Variants in PPP4R2 observed in about 807,000 individuals in gnomAD.
The protein encoded by PPP4R2 is protein phosphatase 4 regulatory subunit 2, also known as serine/threonine-protein phosphatase 4 regulatory subunit 2.
In PPP4R2, 13 loss-of-function variants were observed where a neutral mutation model predicts 47.2. That is an observed-to-expected ratio of 0.28 (90% CI 0.18 to 0.44). The LOEUF is 0.44. Among genes scored for constraint, PPP4R2 ranks in the 20% least tolerant of loss-of-function variants. The probability of loss-of-function intolerance (pLI) is 1.00; values close to 1 mark genes in which losing one functional copy is unlikely to be tolerated. For missense variants in PPP4R2, 421 were observed against 491.2 expected, an observed-to-expected ratio of 0.86 and a Z score of 1.35; for synonymous variants, 151 against 163.3, an observed-to-expected ratio of 0.92 and a Z score of 0.57.
chr3:73,024,057 T>C (rs961449506), intron 2 of PPP4R2, among the ~76,000 whole-genome samples: 1 of 152,072 alleles, frequency 6.6e-6, no homozygotes, highest in Admixed American at 6.5e-5. Flanking sequence ...ATATTAAAAA[T>C]AAAATAGATT....
At chr3:73,003,761 C>T (rs528382624) in intron 2 of PPP4R2, among the ~76,000 whole-genome samples, 2 of 151,718 alleles carry the variant, frequency 1.3e-5, no homozygotes, top group Non-Finnish European at 2.9e-5. Context: ...TGCAGTGGTG[C>T]GATCTTGACT....
chr3:73,060,012 ACTTGT>A (rs1428435693), intron 4 of PPP4R2, among the ~76,000 whole-genome samples: 3 of 151,896 alleles, frequency 2.0e-5, no homozygotes, highest in Admixed American at 1.3e-4. Flanking sequence ...TAAGAAATTG[ACTTGT>A]CTTGAGTGAA....
rs890422614 is a variant in PPP4R2, at chr3:73,068,088, G to A, written c.*2366G>A. ...TGGTTTTAGATATTGATGGCCATTT[G>A]GAAGTAAATTTCCGCAGGTATTCAT... On this transcript the variant is annotated 3_prime_UTR_variant, in exon 9 of 9. Transcript: ENST00000356692. 8 of 152,222 alleles carry A rather than the reference G, an allele frequency of 5.3e-5. No homozygotes were observed. The highest frequency in any genetic ancestry group is 1.9e-4 in the African/African-American group (8 of 41,538). 9.4% of individuals were successfully genotyped at this position (152,222 alleles called of 1,614,324 possible).
rs527965278 is a variant in PPP4R2, at chr3:73,010,222, TTTTTG to T, written c.116+12074_116+12078del. Among the ~76,000 whole-genome samples the T allele has an allele frequency of 3.6e-3, 541 of 150,892 alleles. 1 individual carries two copies. Among genetic ancestry groups the T allele is most frequent in the Non-Finnish European group, 5.3e-3 (357 of 68,000 alleles). ...ACTTAACGCAAAAAAATAGAAAACT[TTTTTG>T]TTTTGTTTTTTTTGAGACAAGGTCT... On this transcript the variant is annotated intron_variant, in intron 2 of 8. Coordinates refer to ENST00000356692, the MANE Select transcript of PPP4R2 (RefSeq NM_174907.4).
chr3:73,018,967 C>A lies in PPP4R2; in HGVS notation c.116+20809C>A, dbSNP rs543083766. ...TTCTGTAAGTTTTGAGGGGGCTGAA[C>A]TTATGTTACTCAGAATGTGTCACAC... On this transcript the variant is annotated intron_variant, in intron 2 of 8. Coordinates refer to ENST00000356692, the MANE Select transcript of PPP4R2 (RefSeq NM_174907.4). 1.4e-4 allele frequency among the ~76,000 whole-genome samples: 22 copies of A among 152,180 alleles called. 1 individual carries two copies. Among genetic ancestry groups the A allele is most frequent in the African/African-American group, 5.1e-4 (21 of 41,536 alleles).
intron 2 of PPP4R2, among the ~76,000 whole-genome samples, chr3:73,028,734 G>C (rs186180795): frequency 1.6e-4 from 24 of 152,222 alleles, no homozygotes; most frequent in African/African-American, 5.8e-4. Flanking sequence ...GTGAGCCACT[G>C]CGCCCGGCCA....
intron 2 of PPP4R2, among the ~76,000 whole-genome samples, chr3:73,001,917 G>A (rs891629729): frequency 6.6e-6 from 1 of 152,062 alleles, no homozygotes; most frequent in Non-Finnish European, 1.5e-5. Flanking sequence ...GTGAACCATC[G>A]CCCCCGGCCC....
At chr3:73,024,731 A>C (rs1702028198) in intron 2 of PPP4R2, among the ~76,000 whole-genome samples, 1 of 152,010 alleles carries the variant, frequency 6.6e-6, no homozygotes, top group Non-Finnish European at 1.5e-5. Context: ...AAGCTAAAGC[A>C]TTTAAGATTT....
At chr3:73,064,793 G>A in intron 7 of PPP4R2, 59 bp from the exon 8 acceptor site, 1 of 1,367,594 alleles carries the variant, frequency 7.3e-7, no homozygotes, top group South Asian at 1.4e-5. Flanking sequence ...CTTAAAAATG[G>A]GGATGTAGAA....
chr3:73,062,037 G>C, intron 5 of PPP4R2: 1 of 1,396,542 alleles, frequency 7.2e-7, no homozygotes, highest in Non-Finnish European at 9.6e-7. Flanking sequence ...GAGGTATTTT[G>C]GAAAAATGGT....
intron 2 of PPP4R2, among the ~76,000 whole-genome samples, chr3:73,041,073 A>G (rs9859305): frequency 0.53 from 80,264 of 152,020 alleles, 21,559 homozygotes; most frequent in African/African-American, 0.62. Flanking sequence ...GTAATCAGAA[A>G]AAACACATTA....
At chr3:73,045,588 A>T (rs1345126542) in intron 2 of PPP4R2, among the ~76,000 whole-genome samples, 1 of 147,040 alleles carries the variant, frequency 6.8e-6, no homozygotes, top group Non-Finnish European at 1.5e-5. Context: ...GCAGTGATGC[A>T]ATCCTCAGCT....
chr3:73,027,449 G>A (rs1702088788), intron 2 of PPP4R2, among the ~76,000 whole-genome samples: 2 of 152,154 alleles, frequency 1.3e-5, no homozygotes, highest in Non-Finnish European at 2.9e-5. Context: ...TGCCAAAGCA[G>A]TTCTACACAT....
intron 2 of PPP4R2, among the ~76,000 whole-genome samples, chr3:73,020,719 G>C (rs1005346655): frequency 6.6e-6 from 1 of 151,538 alleles, no homozygotes; most frequent in African/African-American, 2.4e-5. Context: ...GTAGAGACAG[G>C]GTGTTGCTGT....
intron 3 of PPP4R2, among the ~76,000 whole-genome samples, chr3:73,049,115 G>A (rs1702556086): frequency 6.6e-6 from 1 of 152,024 alleles, no homozygotes; most frequent in Non-Finnish European, 1.5e-5. Context: ...CATTTTAAAG[G>A]CACTTATCCA....
chr3:73,022,798 T>G (rs1701986726), intron 2 of PPP4R2, among the ~76,000 whole-genome samples: 1 of 151,282 alleles, frequency 6.6e-6, no homozygotes, highest in South Asian at 2.1e-4. Context: ...AACAATGCAG[T>G]CTTACAGTTG....
In PPP4R2 at chr3:73,064,100, G is replaced by C. The variant is rs1325457907; in HGVS notation, c.592G>C (p.Asp198His). 5 of 1,613,132 alleles carry C rather than the reference G, an allele frequency of 3.1e-6. No homozygotes were observed. The highest frequency in any genetic ancestry group is 4.2e-6 in the Non-Finnish European group (5 of 1,179,668). Reference sequence around the variant, plus strand: ...AACAAATGGGTTGCCTGAGAGCACAGACAGCAAAGAGGCAAATTTGCAGCA... The same window carrying C: ...AACAAATGGGTTGCCTGAGAGCACACACAGCAAAGAGGCAAATTTGCAGCA... ...MTTNGLPESTDSKEANLQQNE... is the reference protein window; with the variant it reads ...MTTNGLPESTHSKEANLQQNE... Residue 198 changes from aspartate to histidine, a missense_variant, in exon 7 of 9, where the codon GAC becomes CAC. Physicochemically the swap from Asp to His is moderately conservative, Grantham distance 81. This residue lies in a region of PPP4R2 where 317 missense variants were observed against 287.5 expected (regional missense o/e 1.10). Coordinates refer to ENST00000356692, the MANE Select transcript of PPP4R2 (RefSeq NM_174907.4).
At chr3:73,058,892 A>T (rs1702785912) in intron 3 of PPP4R2, 145 bp from the exon 4 acceptor site, 1 of 432,952 alleles carries the variant, frequency 2.3e-6, no homozygotes, top group African/African-American at 2.2e-5. Context: ...TAAATGACTC[A>T]TCCATTTATT....
In PPP4R2 at chr3:73,065,095, G is replaced by A. The variant is rs61734851; in HGVS notation, c.882G>A (p.Gln294=). Residue 294 remains glutamine, a synonymous_variant, in exon 8 of 9, where the codon CAG becomes CAA. Transcript: ENST00000356692. ...ACAAAGATAGCCGTTGTACCCGGCA[G>A]CACTGTACAGAAGAGGATGAAGAAG... The part of the protein sequence containing the change: ...DKDKDSRCTR[Q]HCTEEDEEED... 83 of 1,613,898 alleles carry A rather than the reference G, an allele frequency of 5.1e-5. No individual in the cohort carries two copies. The highest frequency in any genetic ancestry group is 6.9e-5 in the Non-Finnish European group (81 of 1,179,916).
Sources: gnomAD v4.1 joint callset for allele counts (sites outside exome capture counted in the v4.1 genomes callset) on GRCh38, gnomAD v4.1.1 for gene constraint, gnomAD v4.1.1 regional missense constraint, MANE v1.5 for transcripts, NCBI Gene and HGNC (gene_info 2026-07-23, HGNC 2026-07-21) for gene names.